The following TBL1X variants were observed in gnomAD, a reference collection of about 807,000 sequenced individuals.
TBL1X encodes the protein F-box-like/WD repeat-containing protein TBL1X.
Under a neutral mutation model 50.7 loss-of-function variants are expected in TBL1X, and 10 were observed. That is an observed-to-expected ratio of 0.20 (90% CI 0.12 to 0.33). TBL1X has a LOEUF of 0.33. Among genes scored for constraint, TBL1X ranks in the 10% least tolerant of loss-of-function variants. The probability of loss-of-function intolerance (pLI) is 1.00; values close to 1 mark genes in which losing one functional copy is unlikely to be tolerated. For missense variants in TBL1X, 340 were observed against 504.4 expected (o/e 0.67, Z 3.12); for synonymous variants, 190 against 214.7 (o/e 0.88, Z 1.01).
At chrX:9,646,970 A>G (rs2082808073) in intron 3 of TBL1X, among the ~76,000 whole-genome samples, 1 of 111,820 alleles carries the variant, frequency 8.9e-6, no homozygotes, top group African/African-American at 3.3e-5. Context: ...TACCAGCACC[A>G]GCTCTCCAGC....
intron 2 of TBL1X, among the ~76,000 whole-genome samples, chrX:9,522,539 A>G: frequency 9.0e-6 from 1 of 111,526 alleles, no homozygotes; most frequent in Non-Finnish European, 1.9e-5. Flanking sequence ...GCACTGGTGG[A>G]GAACAGGGCC....
chrX:9,500,242 A>T (rs1313502979), intron 1 of TBL1X, among the ~76,000 whole-genome samples: 1 of 97,230 alleles, frequency 1.0e-5, no homozygotes, highest in African/African-American at 3.9e-5. Flanking sequence ...GCACCACTGC[A>T]CTACAGCCTG....
chrX:9,654,379 A>G (rs1284584939), intron 5 of TBL1X, 57 bp downstream of exon 5: 1 of 1,118,758 alleles, frequency 8.9e-7, no homozygotes, highest in African/African-American at 1.8e-5. Flanking sequence ...TTACAAGCAG[A>G]AGGATCAACG....
chrX:9,504,432 A>G (rs967785937), intron 2 of TBL1X, among the ~76,000 whole-genome samples: 1 of 112,300 alleles, frequency 8.9e-6, no homozygotes, highest in African/African-American at 3.2e-5. Flanking sequence ...AAGGGCACAG[A>G]ACTGGACGGA....
chrX:9,585,340 T>TCC (rs397840236), intron 2 of TBL1X, among the ~76,000 whole-genome samples: 2,637 of 57,929 alleles, frequency 0.046, 61 homozygotes, highest in African/African-American at 0.08. Flanking sequence ...CCCCCTCCCC[T>TCC]CCCCCCCCCG....
intron 3 of TBL1X, among the ~76,000 whole-genome samples, chrX:9,648,818 A>AGC (rs1306730918): frequency 8.9e-6 from 1 of 112,381 alleles, no homozygotes; most frequent in Non-Finnish European, 1.9e-5. Context: ...TAAACAGCAA[A>AGC]GCCCTGGGTG....
At chrX:9,600,631 CA>C (rs1279580636) in intron 2 of TBL1X, among the ~76,000 whole-genome samples, 1 of 111,557 alleles carries the variant, frequency 9.0e-6, no homozygotes, top group Non-Finnish European at 1.9e-5. Flanking sequence ...TCCTTGTTGA[CA>C]AACAAAATTG....
At chrX:9,677,516 C>A (rs1406211150) in intron 5 of TBL1X, among the ~76,000 whole-genome samples, 4 of 110,381 alleles carry the variant, frequency 3.6e-5, no homozygotes, top group Non-Finnish European at 7.6e-5. Context: ...AAACTCCCAG[C>A]CACAAATTCT....
intron 2 of TBL1X, among the ~76,000 whole-genome samples, chrX:9,586,461 A>G (rs1435723329): frequency 1.8e-5 from 2 of 112,950 alleles, no homozygotes; most frequent in Non-Finnish European, 3.7e-5. Flanking sequence ...AGAGACAGAA[A>G]GTAGAATGGC....
At chrX:9,565,394 A>G (rs559819516) in intron 2 of TBL1X, among the ~76,000 whole-genome samples, 7 of 111,181 alleles carry the variant, frequency 6.3e-5, no homozygotes, top group South Asian at 7.6e-4. Context: ...TATATGAGCT[A>G]TCGAAAACGT....
chrX:9,659,882 G>C (rs1017680805), intron 5 of TBL1X, among the ~76,000 whole-genome samples: 9 of 112,510 alleles, frequency 8.0e-5, no homozygotes, highest in Non-Finnish European at 1.3e-4. Context: ...TTTGCAGCTA[G>C]CCTTCTGGAC....
At chrX:9,571,475 A>C (rs1310246824) in intron 2 of TBL1X, among the ~76,000 whole-genome samples, 5 of 111,912 alleles carry the variant, frequency 4.5e-5, no homozygotes, top group Non-Finnish European at 7.5e-5. Context: ...TCATTTCTTA[A>C]GGGATCCCCC....
chrX:9,655,141 C>T (rs777460684), intron 5 of TBL1X, among the ~76,000 whole-genome samples: 3 of 111,160 alleles, frequency 2.7e-5, no homozygotes, highest in Non-Finnish European at 3.8e-5. Flanking sequence ...TTTTCCTAAG[C>T]GACATACGGT....
chrX:9,635,315 A>C (rs1008245199), intron 2 of TBL1X, among the ~76,000 whole-genome samples: 1 of 110,899 alleles, frequency 9.0e-6, no homozygotes, highest in African/African-American at 3.3e-5. Context: ...AGGGGGCGGC[A>C]GCGGGCACTG....
At chrX:9,599,965 G>A (rs2082546109) in intron 2 of TBL1X, among the ~76,000 whole-genome samples, 2 of 111,564 alleles carry the variant, frequency 1.8e-5, no homozygotes, top group Admixed American at 9.5e-5. Flanking sequence ...CCTCGGAGAG[G>A]GCAGGACAGC....
chrX:9,516,408 G>A (rs1371213374), intron 2 of TBL1X, among the ~76,000 whole-genome samples: 2 of 111,955 alleles, frequency 1.8e-5, no homozygotes, highest in East Asian at 2.8e-4. Flanking sequence ...TACACATACT[G>A]GAGGGAAGAT....
chrX:9,506,134 A>G (rs2082024800), intron 2 of TBL1X, among the ~76,000 whole-genome samples: 1 of 112,600 alleles, frequency 8.9e-6, no homozygotes, highest in South Asian at 3.6e-4. Context: ...ATTAGAACTC[A>G]GGATTAAGAA....
At chrX:9,535,503 T>C (rs936852134) in intron 2 of TBL1X, among the ~76,000 whole-genome samples, 6 of 112,330 alleles carry the variant, frequency 5.3e-5, no homozygotes, top group Admixed American at 9.4e-5. Flanking sequence ...ATCGTGAAAG[T>C]CTTCGGGTGT....
chrX:9,552,266 G>A (rs759173750), intron 2 of TBL1X, among the ~76,000 whole-genome samples: 10 of 111,989 alleles, frequency 8.9e-5, no homozygotes, highest in Non-Finnish European at 1.9e-4. Flanking sequence ...GGGCAATGGT[G>A]TGGAACTCAG....
Sources: allele counts gnomAD v4.1 joint callset (sites outside exome capture counted in the v4.1 genomes callset), GRCh38; gene constraint gnomAD v4.1.1; transcripts MANE v1.5; gene names NCBI Gene and HGNC (gene_info 2026-07-23, HGNC 2026-07-21).